Variants in ZNF626 observed in about 807,000 individuals in gnomAD.
The protein encoded by ZNF626 is zinc finger protein 626.
ZNF626 carries 4 observed loss-of-function variants against 11.7 expected under a neutral mutation model. That is an observed-to-expected ratio of 0.34 (90% CI 0.17 to 0.78). The LOEUF (loss-of-function observed/expected upper bound fraction) is 0.78. Among genes scored for constraint, ZNF626 ranks in the 30% least tolerant of loss-of-function variants. The pLI is 0.57. For synonymous variants in ZNF626, 179 were observed against 198.6 expected (o/e 0.90, Z 0.83); for missense variants, 588 against 587.1 (o/e 1.00, Z -0.01).
In ZNF626 at chr19:20,624,915, G is replaced by A. The variant is rs1479177058; in HGVS notation, c.962C>T (p.Ala321Val). ...AGTAAGGGTATAGGAGTACTTAAAG[G>A]CTTTGTCACATTCTTCACATTTGTA... is the stretch of plus-strand genomic sequence containing the variant. ...KPYKCEECDK[A>V]FKYSYTLTTH... The change falls in exon 4 of 4, where the codon GCC (alanine) becomes GTC (valine). Residue 321 changes from alanine to valine, a missense_variant. Coordinates refer to ENST00000601440, the MANE Select transcript of ZNF626 (RefSeq NM_001076675.3). 4 of 1,613,610 alleles carry A rather than the reference G, an allele frequency of 2.5e-6. No homozygotes were observed. The highest frequency in any genetic ancestry group is 2.7e-5 in the African/African-American group (2 of 74,832).
intron 1 of ZNF626, 47 bp from the exon 2 acceptor site, chr19:20,646,452 A>C (rs1444649822): frequency 1.2e-6 from 2 of 1,612,734 alleles, no homozygotes; most frequent in East Asian, 4.5e-5. Context: ...CCATGGGCGG[A>C]ATTTTTAATT....
intron 3 of ZNF626, among the ~76,000 whole-genome samples, chr19:20,626,027 C>A (rs1969827728): frequency 6.6e-6 from 1 of 152,118 alleles, no homozygotes; most frequent in African/African-American, 2.4e-5. Context: ...TGTTGGGAGG[C>A]TGACGTGGGT....
intron 1 of ZNF626, among the ~76,000 whole-genome samples, chr19:20,652,811 G>A (rs923246614): frequency 1.3e-5 from 2 of 152,122 alleles, no homozygotes; most frequent in African/African-American, 2.4e-5. Context: ...GGAGTAGCAC[G>A]CATGTTACCT....
At chr19:20,652,507 A>C (rs1970158145) in intron 1 of ZNF626, among the ~76,000 whole-genome samples, 1 of 152,234 alleles carries the variant, frequency 6.6e-6, no homozygotes, top group Non-Finnish European at 1.5e-5. Flanking sequence ...TTTATTTACA[A>C]AAATAACATT....
At position 20,638,715 on chromosome 19, in the gene ZNF626, C is replaced by T. The variant is rs189622776; in HGVS notation, c.226+6969G>A. Among the ~76,000 whole-genome samples, 3 of 151,960 alleles carry T rather than the reference C, an allele frequency of 2.0e-5. No homozygotes were observed. In the East Asian group the frequency reaches 5.8e-4, roughly 29 times the overall value. On this transcript the variant is annotated intron_variant, in intron 3 of 3. Transcript: ENST00000601440. ...CAAAGTTAGTTGATGTAGCAGAAAT[C>T]TATAACTATAATATTTATCTTTCTA...
In ZNF626 at chr19:20,622,724, A is replaced by G. The variant is rs1170487117; in HGVS notation, c.*1566T>C. On this transcript the variant is annotated 3_prime_UTR_variant, in exon 4 of 4. Transcript: ENST00000601440. The stretch of plus-strand genomic sequence containing the variant: ...TACAAATTTAACAACTTTAGTTGTG[A>G]ATTCATTTATATACTCAACACTCTT... 6.6e-6 allele frequency: 1 copy of G among 152,202 alleles called. No individual in the cohort carries two copies. The highest frequency in any genetic ancestry group is 1.9e-4 in the East Asian group (1 of 5,204). 9.4% of individuals were successfully genotyped at this position (152,202 alleles called of 1,614,324 possible).
At position 20,646,358 on chromosome 19, in the gene ZNF626, C is replaced by T. The variant is rs144530695; in HGVS notation, c.51G>A (p.Glu17=). ...RDVAIEFSLE[E]WHCLDTAQRN... ...GCTGTGCAGTGTCCAGGCAATGCCACTCCTCCAGAGAGAATTCTATGGCCA... is the reference window on the plus strand; with the variant it reads ...GCTGTGCAGTGTCCAGGCAATGCCATTCCTCCAGAGAGAATTCTATGGCCA... Residue 17 remains glutamate, a synonymous_variant, in exon 2 of 4, where the codon GAG becomes GAA. Coordinates refer to ENST00000601440, the MANE Select transcript of ZNF626 (RefSeq NM_001076675.3). 1 of 1,613,994 alleles carries T rather than the reference C, an allele frequency of 6.2e-7. No homozygotes were observed. The highest frequency in any genetic ancestry group is 1.3e-5 in the African/African-American group (1 of 74,912).
At chr19:20,652,239 C>T (rs529688775) in intron 1 of ZNF626, among the ~76,000 whole-genome samples, 48 of 148,744 alleles carry the variant, frequency 3.2e-4, no homozygotes, top group African/African-American at 1.1e-3. Context: ...GGAGTACAAA[C>T]GAAGGAGAGA....
intron 3 of ZNF626, chr19:20,645,294 C>T: frequency 6.6e-7 from 1 of 1,508,332 alleles, no homozygotes; most frequent in Non-Finnish European, 8.8e-7. Context: ...CATTTCAGAT[C>T]TGATGCAAAG....
chr19:20,637,214 C>T (rs942180958), intron 3 of ZNF626, among the ~76,000 whole-genome samples: 6 of 151,970 alleles, frequency 3.9e-5, no homozygotes, highest in Non-Finnish European at 5.9e-5. Flanking sequence ...ATCGGCTGGG[C>T]GCAGTGGCTC....
At chr19:20,627,206 T>C (rs1453260277) in intron 3 of ZNF626, among the ~76,000 whole-genome samples, 1 of 152,086 alleles carries the variant, frequency 6.6e-6, no homozygotes, top group South Asian at 2.1e-4. Flanking sequence ...ATGAAAAAGC[T>C]GAAGAAACAA....
At chr19:20,657,431 G>A (rs1473887456) in intron 1 of ZNF626, among the ~76,000 whole-genome samples, 1 of 151,780 alleles carries the variant, frequency 6.6e-6, no homozygotes, top group African/African-American at 2.4e-5. Flanking sequence ...TAAACATCAT[G>A]GAATACTCTG....
intron 3 of ZNF626, among the ~76,000 whole-genome samples, chr19:20,637,756 G>C (rs1267220668): frequency 2.0e-5 from 3 of 151,708 alleles, no homozygotes; most frequent in African/African-American, 7.3e-5. Flanking sequence ...AGTAAAACAG[G>C]AAATGAGAAA....
At chr19:20,661,336 G>T in intron 1 of ZNF626, 108 bp downstream of exon 1, 1 of 1,424,144 alleles carries the variant, frequency 7.0e-7, no homozygotes, top group Non-Finnish European at 9.9e-7. Context: ...AACTGGGGGA[G>T]CAGACTGTGG....
At chr19:20,657,354 T>C (rs1004062633) in intron 1 of ZNF626, among the ~76,000 whole-genome samples, 1 of 152,128 alleles carries the variant, frequency 6.6e-6, no homozygotes, top group Admixed American at 6.6e-5. Flanking sequence ...CACTCTAGCC[T>C]GGGCAATAAG....
chr19:20,658,690 T>C (rs772805155), intron 1 of ZNF626, among the ~76,000 whole-genome samples: 5 of 152,098 alleles, frequency 3.3e-5, no homozygotes, highest in Admixed American at 6.6e-5. Context: ...TCTATAGAGT[T>C]TGCTGAATAT....
intron 1 of ZNF626, among the ~76,000 whole-genome samples, chr19:20,653,424 T>C (rs1367141757): frequency 3.3e-5 from 5 of 152,170 alleles, no homozygotes; most frequent in African/African-American, 1.2e-4. Flanking sequence ...ATGTCATACA[T>C]AGTTCATCCT....
chr19:20,647,447 G>A (rs111874992), intron 1 of ZNF626, among the ~76,000 whole-genome samples: 2 of 150,226 alleles, frequency 1.3e-5, no homozygotes, highest in African/African-American at 4.9e-5. Context: ...ATTAATTAAT[G>A]GTTAATGCAT....
intron 3 of ZNF626, among the ~76,000 whole-genome samples, chr19:20,639,043 T>A (rs1472807925): frequency 6.6e-6 from 1 of 152,162 alleles, no homozygotes; most frequent in Non-Finnish European, 1.5e-5. Flanking sequence ...CTGGTGAAGA[T>A]CTCAGGAAAC....
Sources: gnomAD v4.1 joint callset for allele counts (sites outside exome capture counted in the v4.1 genomes callset) on GRCh38, gnomAD v4.1.1 for gene constraint, MANE v1.5 for transcripts, NCBI Gene and HGNC (gene_info 2026-07-23, HGNC 2026-07-21) for gene names.